Variants in GRM7 observed in about 807,000 individuals in gnomAD.
GRM7 encodes glutamate metabotropic receptor 7, also known as metabotropic glutamate receptor 7.
Under a neutral mutation model 84.5 loss-of-function variants are expected in GRM7, and 35 were observed. That is an observed-to-expected ratio of 0.41 (90% CI 0.32 to 0.55). The LOEUF is 0.55. Ranked by LOEUF, GRM7 falls within the 20% of genes least tolerant of loss-of-function variation. GRM7 has a pLI of 0.19. For missense variants in GRM7, 1,003 were observed against 1,194.6 expected (o/e 0.84, Z 2.36); for synonymous variants, 487 against 455.1 (o/e 1.07, Z -0.89).
intron 1 of GRM7, among the ~76,000 whole-genome samples, chr3:7,085,935 T>G (rs1387421403): frequency 2.6e-5 from 4 of 151,508 alleles, no homozygotes; most frequent in African/African-American, 9.7e-5. Flanking sequence ...TGATGTATAG[T>G]TAATAAAATA....
intron 9 of GRM7, among the ~76,000 whole-genome samples, chr3:7,712,424 T>A (rs1701612492): frequency 6.6e-6 from 1 of 151,112 alleles, no homozygotes; most frequent in Non-Finnish European, 1.5e-5. Context: ...TCTCTCTTCC[T>A]CCTCCCTCTC....
At chr3:7,268,669 A>C (rs572273312) in intron 2 of GRM7, among the ~76,000 whole-genome samples, 1 of 152,212 alleles carries the variant, frequency 6.6e-6, no homozygotes, top group Non-Finnish European at 1.5e-5. Context: ...AAGCAGAAAC[A>C]GTGAACAAAA....
chr3:7,279,213 C>G (rs369208832), intron 2 of GRM7, among the ~76,000 whole-genome samples: 2 of 152,136 alleles, frequency 1.3e-5, no homozygotes, highest in South Asian at 2.1e-4. Flanking sequence ...GCCTTAAAAT[C>G]TAAGCAAACC....
chr3:7,450,116 A>G (rs374843493), intron 5 of GRM7, among the ~76,000 whole-genome samples: 238 of 528 alleles, frequency 0.45, 2 homozygotes, highest in African/African-American at 0.48. Context: ...ATAACTTTTT[A>G]TCAGAATGGC....
intron 2 of GRM7, among the ~76,000 whole-genome samples, chr3:7,279,489 A>G (rs1448824159): frequency 6.6e-6 from 1 of 152,206 alleles, no homozygotes; most frequent in African/African-American, 2.4e-5. Flanking sequence ...CCATGGAGTC[A>G]GCTCTGAGAG....
chr3:7,483,114 A>G (rs960994795), intron 7 of GRM7, among the ~76,000 whole-genome samples: 2 of 152,166 alleles, frequency 1.3e-5, no homozygotes, highest in Non-Finnish European at 2.9e-5. Context: ...CACCCAATGG[A>G]TATTCATTGA....
At chr3:6,941,192 A>G (rs1231614234) in intron 1 of GRM7, among the ~76,000 whole-genome samples, 1 of 152,180 alleles carries the variant, frequency 6.6e-6, no homozygotes, top group South Asian at 2.1e-4. Context: ...ACTTACACAC[A>G]TTAGTTTCCA....
At chr3:7,331,758 G>A (rs1245820687) in intron 4 of GRM7, among the ~76,000 whole-genome samples, 2 of 152,128 alleles carry the variant, frequency 1.3e-5, no homozygotes, top group Non-Finnish European at 2.9e-5. Context: ...TCTCTTTTCT[G>A]CGGAGCCTCA....
At chr3:7,105,478 T>A (rs1699259212) in intron 1 of GRM7, among the ~76,000 whole-genome samples, 1 of 151,876 alleles carries the variant, frequency 6.6e-6, no homozygotes, top group Non-Finnish European at 1.5e-5. Flanking sequence ...TTTTGGCATT[T>A]TTTCCTGCAT....
intron 1 of GRM7, among the ~76,000 whole-genome samples, chr3:6,978,984 T>A (rs185652965): frequency 1.1e-4 from 17 of 152,050 alleles, no homozygotes; most frequent in Middle Eastern, 3.4e-3. Context: ...GCTGGGAGAG[T>A]GTATACATGT....
At chr3:7,453,029 ATT>A (rs60916756) in intron 6 of GRM7, among the ~76,000 whole-genome samples, 31 of 141,810 alleles carry the variant, frequency 2.2e-4, no homozygotes, top group Non-Finnish European at 2.1e-4. Context: ...TGAAATAGAG[ATT>A]TTTTTTTTTT....
At chr3:7,691,199 C>G (rs775774116) in intron 9 of GRM7, 1 of 1,062,230 alleles carries the variant, frequency 9.4e-7, no homozygotes, top group South Asian at 1.3e-5. Context: ...TATCTCTGCC[C>G]TTTTTCATAG....
At chr3:7,233,353 G>A (rs941650524) in intron 2 of GRM7, among the ~76,000 whole-genome samples, 8 of 152,122 alleles carry the variant, frequency 5.3e-5, no homozygotes, top group East Asian at 3.9e-4. Flanking sequence ...TGATCATTTC[G>A]CTGATTAAAT....
At chr3:7,369,603 A>C (rs554049498) in intron 4 of GRM7, among the ~76,000 whole-genome samples, 1 of 152,234 alleles carries the variant, frequency 6.6e-6, no homozygotes, top group Non-Finnish European at 1.5e-5. Flanking sequence ...GAGAGCAATA[A>C]GCAATTATTG....
intron 1 of GRM7, among the ~76,000 whole-genome samples, chr3:6,990,212 C>T (rs73128529): frequency 0.013 from 1,937 of 150,802 alleles, 36 homozygotes; most frequent in African/African-American, 0.045. Flanking sequence ...GCTATTTTTT[C>T]CCAAATCTTG....
Position 7,526,637 on chromosome 3 carries a change from G to A in GRM7, c.1516-51785G>A, listed in dbSNP as rs530592635. Among the ~76,000 whole-genome samples, 576 of 151,870 alleles carry A rather than the reference G, an allele frequency of 3.8e-3. 3 individuals carry two copies. Among genetic ancestry groups the A allele is most frequent in the African/African-American group, 0.013 (547 of 41,464 alleles). On this transcript the variant is annotated intron_variant, in intron 7 of 9. Transcript: ENST00000357716. ...AGGAGAGTATTTCCTAGGTTTTCTT[G>A]CAGGATTTTTATAGTTGGAGGTTTT...
At chr3:7,231,709 A>G (rs557046259) in intron 2 of GRM7, among the ~76,000 whole-genome samples, 19 of 152,328 alleles carry the variant, frequency 1.2e-4, no homozygotes, top group Admixed American at 4.6e-4. Context: ...AAGATTGCCC[A>G]TAAATGTACA....
intron 8 of GRM7, among the ~76,000 whole-genome samples, chr3:7,593,423 A>T (rs1415931076): frequency 2.0e-5 from 3 of 152,232 alleles, no homozygotes; most frequent in African/African-American, 7.2e-5. Flanking sequence ...CGTTGCCCTC[A>T]TGGAAATCAC....
At position 6,861,764 on chromosome 3, in the gene GRM7, C is replaced by T; in HGVS notation, c.376C>T (p.Leu126Phe). 21 of 1,614,238 alleles carry T rather than the reference C, an allele frequency of 1.3e-5. No individual in the cohort carries two copies. Among genetic ancestry groups the T allele is most frequent in the Non-Finnish European group, 1.8e-5 (21 of 1,180,056 alleles). The stretch of plus-strand genomic sequence containing the variant: ...ACAGTCGCTTACTTTCGTCCAGGCG[C>T]TCATCCAGAAGGACACCTCCGACGT... Reference protein sequence around the residue: ...LEQSLTFVQALIQKDTSDVRC... With the variant: ...LEQSLTFVQAFIQKDTSDVRC... The change falls in exon 1 of 10, where the codon CTC becomes TTC. Residue 126 changes from leucine to phenylalanine, a missense_variant. Around this residue, in one of 2 missense-constraint regions of GRM7, gnomAD observed 910 missense variants for 1,126.0 expected, o/e 0.81. Coordinates refer to ENST00000357716, the MANE Select transcript of GRM7 (RefSeq NM_000844.4). This position sits in a 1 kb window ranked among gnomAD's most constrained non-coding sequence, Gnocchi z 6.4.
Sources: gnomAD v4.1 joint callset for allele counts (sites outside exome capture counted in the v4.1 genomes callset) on GRCh38, gnomAD v4.1.1 for gene constraint, gnomAD v4.1.1 regional missense constraint, Gnocchi (gnomAD v3.1) non-coding constraint, MANE v1.5 for transcripts, NCBI Gene and HGNC (gene_info 2026-07-23, HGNC 2026-07-21) for gene names.